The following HELZ variants were observed in gnomAD, a reference collection of about 807,000 sequenced individuals.
HELZ encodes the protein helicase with zinc finger.
In HELZ, 23 loss-of-function variants were observed where a neutral mutation model predicts 218.2. The ratio of observed to expected loss-of-function variants is 0.11; its 90% CI spans 0.08 to 0.15. The LOEUF is 0.15. Ranked by LOEUF, HELZ falls within the 10% of genes least tolerant of loss-of-function variation. The probability of loss-of-function intolerance (pLI) is 1.00; values close to 1 mark genes in which losing one functional copy is unlikely to be tolerated. For missense variants in HELZ, 1,813 were observed against 2,353.7 expected (o/e 0.77, Z 4.75); for synonymous variants, 814 against 829.4 (o/e 0.98, Z 0.32).
intron 31 of HELZ, among the ~76,000 whole-genome samples, chr17:67,089,150 C>T (rs763585980): frequency 6.6e-6 from 1 of 152,178 alleles, no homozygotes; most frequent in South Asian, 2.1e-4. Flanking sequence ...TGGGTATGGG[C>T]TCAGAAAGAG....
chr17:67,186,913 A>C (rs557175707), intron 12 of HELZ, among the ~76,000 whole-genome samples: 7 of 152,320 alleles, frequency 4.6e-5, no homozygotes, highest in African/African-American at 1.7e-4. Flanking sequence ...TTACTAGTTC[A>C]GGGGTAGGCA....
At chr17:67,203,141 A>G (rs2040210079) in intron 6 of HELZ, among the ~76,000 whole-genome samples, 178 bp downstream of exon 6, 1 of 152,162 alleles carries the variant, frequency 6.6e-6, no homozygotes, top group South Asian at 2.1e-4. Context: ...AAAAAACAAA[A>G]AAAGAAAAGA....
chr17:67,140,153 G>C (rs2038277479), intron 21 of HELZ, among the ~76,000 whole-genome samples: 1 of 152,318 alleles, frequency 6.6e-6, no homozygotes, highest in South Asian at 2.1e-4. Flanking sequence ...AGCCACACTT[G>C]GTAGCGGCAC....
chr17:67,195,869 T>TTG (rs1567881766), intron 7 of HELZ, among the ~76,000 whole-genome samples: 6 of 134,814 alleles, frequency 4.5e-5, no homozygotes, highest in South Asian at 2.3e-4. Context: ...TTTTTTTTTT[T>TTG]GGGACAAAGT....
intron 2 of HELZ, among the ~76,000 whole-genome samples, chr17:67,240,225 C>T (rs2041284315): frequency 6.6e-6 from 1 of 152,188 alleles, no homozygotes; most frequent in South Asian, 2.1e-4. Flanking sequence ...CCCTGCACAA[C>T]ATCCAAACTC....
chr17:67,125,286 CTA>C (rs57513241), intron 24 of HELZ, among the ~76,000 whole-genome samples: 28 of 70,126 alleles, frequency 4.0e-4, no homozygotes, highest in South Asian at 1.0e-3. Context: ...TTGGCACCAA[CTA>C]TATATATATA....
chr17:67,118,869 C>A (rs1210673395), intron 27 of HELZ, among the ~76,000 whole-genome samples: 2 of 151,898 alleles, frequency 1.3e-5, no homozygotes, highest in African/African-American at 2.4e-5. Context: ...AAACAAGATA[C>A]ACACATGGCA....
chr17:67,107,676 G>C lies in HELZ; in HGVS notation c.4734C>G (p.Asp1578Glu). Residue 1578 changes from aspartate (D) to glutamate (E), a missense_variant, in exon 31 of 33, where the codon GAC becomes GAG. By Grantham distance (45) the Asp-to-Glu change is conservative. Coordinates refer to ENST00000358691, the MANE Select transcript of HELZ (RefSeq NM_014877.4). The part of the protein sequence containing the change: ...EVETTYSRFQ[D>E]LIRELSHRDQ... ...CACGATGAGACAGTTCTCTGATTAA[G>C]TCTTGAAACCTACATGAAAACAATA... is the stretch of plus-strand genomic sequence containing the variant. The C allele has an allele frequency of 6.2e-7, 1 of 1,610,806 alleles. No homozygotes were observed. Among genetic ancestry groups the C allele is most frequent in the Non-Finnish European group, 8.5e-7 (1 of 1,178,676 alleles).
intron 26 of HELZ, among the ~76,000 whole-genome samples, chr17:67,121,754 C>T (rs867507169): frequency 5.9e-5 from 9 of 152,136 alleles, no homozygotes; most frequent in East Asian, 1.9e-4. Flanking sequence ...ATATACAAGA[C>T]GGACGGCCTC....
At chr17:67,111,537 C>T (rs2037279424) in intron 28 of HELZ, among the ~76,000 whole-genome samples, 2 of 152,128 alleles carry the variant, frequency 1.3e-5, no homozygotes, top group Admixed American at 1.3e-4. Flanking sequence ...CAGCTTGTTC[C>T]TGAGTTGCAG....
chr17:67,245,342 TG>T, upstream of HELZ: 1 of 703,126 alleles, frequency 1.4e-6, no homozygotes, highest in Non-Finnish European at 1.7e-6. Flanking sequence ...CGCCCGCAGC[TG>T]GCCCCTTCCC....
Position 67,212,314 on chromosome 17 carries a change from C to CAAAAAAAAAAAAAAAAAAA in HELZ, c.247+3566_247+3584dup, listed in dbSNP as rs10692832. ...TGGGCGACAGGGAGAGACACCATCT[C>CAAAAAAAAAAAAAAAAAAA]AAAAAAAAAAAAAAAAAAAAAGGCT... On this transcript the variant is annotated intron_variant, in intron 5 of 32. Coordinates refer to ENST00000358691, the MANE Select transcript of HELZ (RefSeq NM_014877.4). Among the ~76,000 whole-genome samples the CAAAAAAAAAAAAAAAAAAA allele has an allele frequency of 2.7e-3, 58 of 21,406 alleles. 18 individuals are homozygous for CAAAAAAAAAAAAAAAAAAA. The highest frequency in any genetic ancestry group is 8.5e-3 in the Admixed American group (7 of 822). 14.0% of individuals were successfully genotyped at this position (21,406 alleles called of 152,430 possible).
intron 8 of HELZ, among the ~76,000 whole-genome samples, chr17:67,194,824 CTG>C (rs1311450781): frequency 6.6e-6 from 1 of 152,192 alleles, no homozygotes; most frequent in East Asian, 1.9e-4. Context: ...GAGTTTAAAG[CTG>C]TGCTTCATCT....
intron 3 of HELZ, among the ~76,000 whole-genome samples, chr17:67,221,044 TA>T (rs1466830380): frequency 6.6e-6 from 1 of 152,136 alleles, no homozygotes; most frequent in Non-Finnish European, 1.5e-5. Flanking sequence ...AATTGTTCAA[TA>T]AAAGTCAAAA....
At chr17:67,122,810 A>G (rs969150430) in intron 26 of HELZ, among the ~76,000 whole-genome samples, 160 bp downstream of exon 26, 1 of 152,242 alleles carries the variant, frequency 6.6e-6, no homozygotes, top group African/African-American at 2.4e-5. Flanking sequence ...AACAATTCGT[A>G]ATTTCAAGGT....
chr17:67,150,130 C>CTTTTTTTT (rs11408678), intron 18 of HELZ, 145 bp from the exon 19 acceptor site: 87 of 180,094 alleles, frequency 4.8e-4, no homozygotes, highest in East Asian at 1.6e-3. Flanking sequence ...TATTTTCTTT[C>CTTTTTTTT]TTTTTTTTTT....
chr17:67,144,720 G>A (rs775951218), intron 21 of HELZ, among the ~76,000 whole-genome samples: 1 of 151,958 alleles, frequency 6.6e-6, no homozygotes, highest in Non-Finnish European at 1.5e-5. Context: ...GACAGGCCCT[G>A]GTTGCCACTT....
chr17:67,188,105 A>G lies in HELZ; in HGVS notation c.1162+214T>C. ...TACTCATACAAGTTTGGGGAACCTC[A>G]AAGTTCAAGCTTTACCTGGTGGCTC... On this transcript the variant is annotated intron_variant, in intron 12 of 32. Coordinates refer to ENST00000358691, the MANE Select transcript of HELZ (RefSeq NM_014877.4). The surrounding 1 kb of genome is among the most constrained non-coding windows in gnomAD (Gnocchi z 4.1). 1 of 486,374 alleles carries G rather than the reference A, an allele frequency of 2.1e-6. No homozygotes were observed. The highest frequency in any genetic ancestry group is 3.4e-5 in the East Asian group (1 of 29,674). 30.1% of individuals were successfully genotyped at this position (486,374 alleles called of 1,614,324 possible).
At chr17:67,206,984 C>T (rs984766234) in intron 5 of HELZ, among the ~76,000 whole-genome samples, 3 of 147,836 alleles carry the variant, frequency 2.0e-5, no homozygotes, top group Admixed American at 1.4e-4. Flanking sequence ...ATGATATCAG[C>T]GGACTGCAAC....
Sources: allele counts gnomAD v4.1 joint callset (sites outside exome capture counted in the v4.1 genomes callset), GRCh38; gene constraint gnomAD v4.1.1; non-coding constraint Gnocchi (gnomAD v3.1); transcripts MANE v1.5; gene names NCBI Gene and HGNC (gene_info 2026-07-23, HGNC 2026-07-21).